The following CACNB2 variants were observed in gnomAD, a reference collection of about 807,000 sequenced individuals.
The protein encoded by CACNB2 is voltage-dependent L-type calcium channel subunit beta-2.
In CACNB2, 42 loss-of-function variants were observed where a neutral mutation model predicts 73.3. That is an observed-to-expected ratio of 0.57 (90% CI 0.45 to 0.74). The LOEUF is 0.74. CACNB2 is among the 30% of genes least tolerant of loss of function. The pLI, the probability that CACNB2 is intolerant of heterozygous loss-of-function variation, is 0.00. For missense variants in CACNB2, 940 were observed against 853.0 expected (o/e 1.10, Z -1.27); for synonymous variants, 348 against 310.3 (o/e 1.12, Z -1.28).
intron 3 of CACNB2, among the ~76,000 whole-genome samples, chr10:18,476,943 C>A (rs2048470656): frequency 6.6e-6 from 1 of 151,884 alleles, no homozygotes; most frequent in Non-Finnish European, 1.5e-5. Context: ...TCACTTGAAC[C>A]CGGGAGGCAG....
chr10:18,519,058 G>A lies in CACNB2; in HGVS notation c.944+90G>A, dbSNP rs140899636. 8.4e-6 allele frequency: 9 copies of A among 1,077,594 alleles called. No individual in the cohort carries two copies. In the East Asian group the frequency reaches 2.1e-4, roughly 26 times the overall value. The allele number at this position is 1,077,594 out of a possible 1,614,324, so 66.8% of individuals were successfully genotyped here. A position where few individuals can be genotyped will look rare whatever the true frequency, so the allele number is the denominator to read the frequency against. On this transcript the variant is annotated intron_variant, in intron 9 of 13. Transcript: ENST00000324631. ...CATGCGTGTGATTCCAAGAGAAAAT[G>A]GCCCTCTGATGTCTATATGATGACA... is the stretch of plus-strand genomic sequence containing the variant.
At chr10:18,304,283 C>T (rs926747147) in intron 2 of CACNB2, among the ~76,000 whole-genome samples, 1 of 152,062 alleles carries the variant, frequency 6.6e-6, no homozygotes, top group Non-Finnish European at 1.5e-5. Context: ...CGTAGAATTG[C>T]AAGTCATGGT....
At chr10:18,208,722 T>G (rs1198548735) in intron 2 of CACNB2, among the ~76,000 whole-genome samples, 1 of 152,100 alleles carries the variant, frequency 6.6e-6, no homozygotes, top group Non-Finnish European at 1.5e-5. Context: ...GAGCCCAGCC[T>G]GAAAAAGGAC....
chr10:18,399,823 C>A (rs1042984610), intron 2 of CACNB2, among the ~76,000 whole-genome samples: 2 of 152,022 alleles, frequency 1.3e-5, no homozygotes, highest in Non-Finnish European at 2.9e-5. Flanking sequence ...GTGTATATTT[C>A]TTAATAAGTA....
In CACNB2 at chr10:18,204,296, A is replaced by G. The variant is rs1332850379; in HGVS notation, c.213+53321A>G. On this transcript the variant is annotated intron_variant, in intron 2 of 13. Transcript: ENST00000324631. ...ATTTATGCTTTTCATGACTGACCTT[A>G]TAATGAAACATATTGATTATACATT... Among the ~76,000 whole-genome samples, 7 of 152,234 alleles carry G rather than the reference A, an allele frequency of 4.6e-5. No homozygotes were observed. The East Asian group carries it at 9.6e-4, about 21-fold the overall frequency.
chr10:18,330,603 G>A (rs2040760647), intron 2 of CACNB2, among the ~76,000 whole-genome samples: 1 of 152,124 alleles, frequency 6.6e-6, no homozygotes, highest in Admixed American at 6.5e-5. Context: ...AGATGTGATT[G>A]TGCCACTTCC....
chr10:18,166,629 T>C (rs577920986), intron 2 of CACNB2, among the ~76,000 whole-genome samples: 189 of 152,320 alleles, frequency 1.2e-3, no homozygotes, highest in African/African-American at 4.2e-3. Flanking sequence ...ACCAGTTCTA[T>C]TGGCTTGTGA....
intron 1 of CACNB2, among the ~76,000 whole-genome samples, chr10:18,148,595 AAAG>A (rs2031223293): frequency 6.6e-6 from 1 of 152,240 alleles, no homozygotes; most frequent in Admixed American, 6.5e-5. Context: ...CAACCACAAA[AAAG>A]CTTACACATT....
chr10:18,346,615 G>A (rs9651374), intron 2 of CACNB2, among the ~76,000 whole-genome samples: 2,993 of 151,794 alleles, frequency 0.02, 106 homozygotes, highest in African/African-American at 0.069. Flanking sequence ...GAGCTCGGGG[G>A]GCACAGGGTC....
chr10:18,524,369 C>T (rs1341029558), intron 9 of CACNB2, among the ~76,000 whole-genome samples: 2 of 152,040 alleles, frequency 1.3e-5, no homozygotes, highest in African/African-American at 2.4e-5. Flanking sequence ...AATCAGTAAT[C>T]CTGAGGCTGA....
At chr10:18,476,325 A>G (rs2048437885) in intron 3 of CACNB2, among the ~76,000 whole-genome samples, 1 of 152,234 alleles carries the variant, frequency 6.6e-6, no homozygotes, top group Non-Finnish European at 1.5e-5. Context: ...CAAAACCCAC[A>G]AAGCAAGGAA....
chr10:18,167,169 AT>A (rs1564310769), intron 2 of CACNB2, among the ~76,000 whole-genome samples: 1 of 152,212 alleles, frequency 6.6e-6, no homozygotes, highest in African/African-American at 2.4e-5. Flanking sequence ...ACTGGAGGGT[AT>A]TATCCTGAGT....
intron 3 of CACNB2, among the ~76,000 whole-genome samples, chr10:18,442,794 C>G (rs934768355): frequency 6.7e-6 from 1 of 149,208 alleles, no homozygotes; most frequent in South Asian, 2.1e-4. Flanking sequence ...CATTGCACTC[C>G]AGCCTGGTGA....
intron 2 of CACNB2, among the ~76,000 whole-genome samples, chr10:18,196,213 A>T (rs1220016038): frequency 6.6e-6 from 1 of 152,030 alleles, no homozygotes; most frequent in Admixed American, 6.6e-5. Context: ...GTTTGTACCC[A>T]CTATGTGGCT....
intron 2 of CACNB2, among the ~76,000 whole-genome samples, chr10:18,191,661 C>G (rs149742987): frequency 6.6e-5 from 10 of 152,308 alleles, no homozygotes; most frequent in African/African-American, 2.4e-4. Flanking sequence ...CATAGCTTAG[C>G]TCCCACATAT....
At chr10:18,183,886 C>T (rs984289938) in intron 2 of CACNB2, among the ~76,000 whole-genome samples, 1 of 152,126 alleles carries the variant, frequency 6.6e-6, no homozygotes, top group Admixed American at 6.5e-5. Flanking sequence ...CACATGCCAC[C>T]TCTGTTATTC....
At chr10:18,293,957 T>G (rs2039173441) in intron 2 of CACNB2, among the ~76,000 whole-genome samples, 1 of 152,220 alleles carries the variant, frequency 6.6e-6, no homozygotes, top group Non-Finnish European at 1.5e-5. Context: ...TTTCCCTGCA[T>G]TTTTTGGCTA....
At chr10:18,483,480 A>C (rs917893952) in intron 3 of CACNB2, among the ~76,000 whole-genome samples, 21 of 151,252 alleles carry the variant, frequency 1.4e-4, no homozygotes, top group African/African-American at 4.9e-4. Context: ...GCAGTGAGCC[A>C]AGATCACTCC....
intron 2 of CACNB2, among the ~76,000 whole-genome samples, chr10:18,248,924 G>T (rs1301101396): frequency 6.6e-6 from 1 of 151,996 alleles, no homozygotes; most frequent in Non-Finnish European, 1.5e-5. Context: ...ACATAGTGGG[G>T]GAAAAAGACC....
Sources: allele counts gnomAD v4.1 joint callset (sites outside exome capture counted in the v4.1 genomes callset), GRCh38; gene constraint gnomAD v4.1.1; transcripts MANE v1.5; gene names NCBI Gene and HGNC (gene_info 2026-07-23, HGNC 2026-07-21).